Variants in SMARCC1 observed in about 807,000 individuals in gnomAD.
SMARCC1 encodes SWI/SNF complex subunit SMARCC1.
SMARCC1 carries 43 observed loss-of-function variants against 147.4 expected under a neutral mutation model. That is an observed-to-expected ratio of 0.29 (90% CI 0.23 to 0.38). The LOEUF is 0.38. Among genes scored for constraint, SMARCC1 ranks in the 10% least tolerant of loss-of-function variants. The pLI, the probability that SMARCC1 is intolerant of heterozygous loss-of-function variation, is 1.00. For synonymous variants in SMARCC1, 495 were observed against 484.4 expected, an observed-to-expected ratio of 1.02 and a Z score of -0.29; for missense variants, 1,119 against 1,381.1, an observed-to-expected ratio of 0.81 and a Z score of 3.01.
intron 2 of SMARCC1, among the ~76,000 whole-genome samples, chr3:47,753,665 T>C (rs554025296): frequency 5.3e-5 from 7 of 131,612 alleles, no homozygotes; most frequent in Non-Finnish European, 7.8e-5. Context: ...TGAGCTGAGA[T>C]TGCGCCACTG....
intron 6 of SMARCC1, among the ~76,000 whole-genome samples, chr3:47,724,052 C>A (rs1559654931): frequency 1.3e-5 from 2 of 152,100 alleles, no homozygotes. Flanking sequence ...AACCATTGCG[C>A]ACCGTTGGTG....
At chr3:47,708,083 C>CTTTTTTTCTTTTTTTTTTT (rs1559650534) in intron 9 of SMARCC1, among the ~76,000 whole-genome samples, 11 of 64,272 alleles carry the variant, frequency 1.7e-4, no homozygotes, top group Non-Finnish European at 2.7e-4. Flanking sequence ...AATTTTTTTT[C>CTTTTTTTCTTTTTTTTTTT]TTTTTTTTTT....
At chr3:47,702,749 C>T (rs905721551) in intron 10 of SMARCC1, among the ~76,000 whole-genome samples, 1 of 152,130 alleles carries the variant, frequency 6.6e-6, no homozygotes, top group Non-Finnish European at 1.5e-5. Context: ...TAGGTGCACA[C>T]CATCATGCCC....
intron 9 of SMARCC1, among the ~76,000 whole-genome samples, 195 bp downstream of exon 9, chr3:47,710,488 C>T (rs1190120871): frequency 1.3e-5 from 2 of 151,934 alleles, no homozygotes; most frequent in Non-Finnish European, 2.9e-5. Context: ...ATTTTCATAC[C>T]ACTTTTTGGG....
chr3:47,770,883 C>T (rs946432869), intron 2 of SMARCC1, among the ~76,000 whole-genome samples: 1 of 151,812 alleles, frequency 6.6e-6, no homozygotes, highest in Non-Finnish European at 1.5e-5. Context: ...GCAAGATCAC[C>T]GAAACAATAC....
intron 10 of SMARCC1, among the ~76,000 whole-genome samples, chr3:47,702,220 T>C (rs1462025994): frequency 1.2e-5 from 1 of 83,698 alleles, no homozygotes; most frequent in Non-Finnish European, 2.4e-5. Context: ...CTAATAAATG[T>C]CAGGGGGCTC....
At chr3:47,720,035 C>A (rs772562969) in intron 7 of SMARCC1, among the ~76,000 whole-genome samples, 5 of 152,058 alleles carry the variant, frequency 3.3e-5, no homozygotes, top group Non-Finnish European at 7.4e-5. Context: ...CTGTGCCCGG[C>A]AAAATTCATT....
chr3:47,742,595 TTC>T (rs2034520782), intron 3 of SMARCC1, among the ~76,000 whole-genome samples: 1 of 152,132 alleles, frequency 6.6e-6, no homozygotes, highest in African/African-American at 2.4e-5. Context: ...TAATCTCTCT[TTC>T]TGTTTTTGAC....
At chr3:47,616,973 G>A (rs1166111736) in intron 25 of SMARCC1, among the ~76,000 whole-genome samples, 1 of 152,214 alleles carries the variant, frequency 6.6e-6, no homozygotes, top group Non-Finnish European at 1.5e-5. Context: ...AAAATGAACT[G>A]AGGCAGTGGG....
In SMARCC1 at chr3:47,720,744, G is replaced by A. The variant is rs1343768120; in HGVS notation, c.647-9C>T. 1 of 1,597,166 alleles carries A rather than the reference G, an allele frequency of 6.3e-7. No homozygotes were observed. ...CGGTCTCAACCATTCTTCTGGAAGA[G>A]AAAAAGAAACAACTTTACTCAAACT... On this transcript the variant is annotated splice_polypyrimidine_tract_variant and intron_variant, in intron 6 of 27. Transcript: ENST00000254480.
chr3:47,595,638 A>G (rs187035945), intron 26 of SMARCC1, among the ~76,000 whole-genome samples: 1 of 152,292 alleles, frequency 6.6e-6, no homozygotes, highest in Admixed American at 6.5e-5. Context: ...ACTGAGAGGT[A>G]CCATTTATAT....
chr3:47,733,295 A>G (rs1255031413), intron 5 of SMARCC1, among the ~76,000 whole-genome samples: 1 of 152,082 alleles, frequency 6.6e-6, no homozygotes, highest in East Asian at 1.9e-4. Context: ...GTGGTGCTGC[A>G]GGGCGGGTTC....
intron 24 of SMARCC1, among the ~76,000 whole-genome samples, chr3:47,623,252 A>G (rs992878382): frequency 3.3e-5 from 5 of 150,482 alleles, no homozygotes; most frequent in Non-Finnish European, 5.9e-5. Context: ...TGCCTAAGCC[A>G]ACTGAGTAGC....
At chr3:47,666,719 G>A (rs1300980798) in intron 19 of SMARCC1, among the ~76,000 whole-genome samples, 1 of 151,958 alleles carries the variant, frequency 6.6e-6, no homozygotes, top group Non-Finnish European at 1.5e-5. Flanking sequence ...AAAACACTAT[G>A]ATTTTTTGGG....
rs185093969 is a variant in SMARCC1 at position 47,691,828 on chromosome 3, C to T, written c.1225+1413G>A. Among the ~76,000 whole-genome samples the T allele has an allele frequency of 3.9e-3, 590 of 151,886 alleles. 5 individuals are homozygous for T. Among genetic ancestry groups the T allele is most frequent in the African/African-American group, 0.013 (535 of 41,370 alleles). On this transcript the variant is annotated intron_variant, in intron 12 of 27. Transcript: ENST00000254480. ...CAGCCTGGCCAACCCGGTAAAACCC[C>T]ATGTCTACTAATAATACAAAAATTA... is the stretch of plus-strand genomic sequence containing the variant.
chr3:47,764,443 A>G (rs1256027207), intron 2 of SMARCC1, among the ~76,000 whole-genome samples: 1 of 152,240 alleles, frequency 6.6e-6, no homozygotes, highest in Non-Finnish European at 1.5e-5. Flanking sequence ...AAAAATAAAT[A>G]AATGAAACAT....
chr3:47,691,494 A>C (rs2106775483), intron 12 of SMARCC1, among the ~76,000 whole-genome samples: 1 of 152,070 alleles, frequency 6.6e-6, no homozygotes, highest in African/African-American at 2.4e-5. Flanking sequence ...GGCGCCTGTA[A>C]TCCCAGCTAC....
intron 1 of SMARCC1, among the ~76,000 whole-genome samples, chr3:47,775,823 A>G (rs1329391878): frequency 6.6e-6 from 1 of 151,304 alleles, no homozygotes; most frequent in Non-Finnish European, 1.5e-5. Context: ...AAACTTTGAA[A>G]TAGACCTGCT....
chr3:47,616,738 GCCTGGC>G (rs1486146857), intron 25 of SMARCC1, among the ~76,000 whole-genome samples: 1 of 152,078 alleles, frequency 6.6e-6, no homozygotes, highest in Non-Finnish European at 1.5e-5. Context: ...GAGCCACCAT[GCCTGGC>G]CCTGAAATTT....
Sources: allele counts gnomAD v4.1 joint callset (sites outside exome capture counted in the v4.1 genomes callset), GRCh38; gene constraint gnomAD v4.1.1; transcripts MANE v1.5; gene names NCBI Gene and HGNC (gene_info 2026-07-23, HGNC 2026-07-21).